Variants in BLTP2 observed in about 807,000 individuals in gnomAD.
The protein encoded by BLTP2 is U937-associated antigen.
At chr17:28,643,239 G>A in the BLTP2 span, 1 of 1,614,114 alleles carries the variant, frequency 6.2e-7, no homozygotes, top group Non-Finnish European at 8.5e-7. Flanking sequence ...GGGAGAATGG[G>A]GCAGACAGGT....
At chr17:28,619,003 A>G in the BLTP2 span, 1 of 1,590,164 alleles carries the variant, frequency 6.3e-7, no homozygotes, top group Non-Finnish European at 8.6e-7. Flanking sequence ...AAAGCCAGTA[A>G]GGGAAACAGC....
chr17:28,641,048 G>A, the BLTP2 span, among the ~76,000 whole-genome samples: 6 of 152,188 alleles, frequency 3.9e-5, no homozygotes, highest in Non-Finnish European at 7.3e-5. Context: ...TTTAGTTAGA[G>A]AATATACAGT....
At chr17:28,640,146 GC>G in the BLTP2 span, 1 of 1,124,056 alleles carries the variant, frequency 8.9e-7, no homozygotes. Flanking sequence ...TGTAATCCCA[GC>G]CCTTTGGGAG....
the BLTP2 span, chr17:28,639,491 G>C: frequency 6.2e-7 from 1 of 1,613,454 alleles, no homozygotes; most frequent in East Asian, 2.2e-5. Context: ...CTGTGGGTTT[G>C]GGTTTTATTT....
the BLTP2 span, chr17:28,616,242 G>C: frequency 6.3e-7 from 1 of 1,597,448 alleles, no homozygotes; most frequent in African/African-American, 1.3e-5. This position sits in a 1 kb window ranked among gnomAD's most constrained non-coding sequence, Gnocchi z 4.8. Context: ...TCCATCAGAA[G>C]AAACTCAGGA....
the BLTP2 span, among the ~76,000 whole-genome samples, chr17:28,627,547 CA>C: frequency 0.01 from 1,528 of 152,202 alleles, 16 homozygotes; most frequent in Non-Finnish European, 0.013. Context: ...GCTGGGACTA[CA>C]AGCACCCGCC....
chr17:28,632,927 A>C, the BLTP2 span: 1 of 1,499,558 alleles, frequency 6.7e-7, no homozygotes, highest in Non-Finnish European at 8.9e-7. Flanking sequence ...CCACTGCCCC[A>C]GGCCCAAGCC....
At chr17:28,631,602 G>T in the BLTP2 span, 1 of 1,614,028 alleles carries the variant, frequency 6.2e-7, no homozygotes, top group South Asian at 1.1e-5. Context: ...AGGCCATCAG[G>T]TGAACGGTCA....
the BLTP2 span, chr17:28,645,148 T>C: frequency 9.3e-7 from 1 of 1,078,342 alleles, no homozygotes; most frequent in Non-Finnish European, 1.2e-6. Context: ...GCCGACCAGC[T>C]GCGCGCGCAG....
chr17:28,628,478 T>C, the BLTP2 span: 2 of 1,614,114 alleles, frequency 1.2e-6, no homozygotes, highest in African/African-American at 1.3e-5. Flanking sequence ...TCTCGATTGG[T>C]AGTTGTCCAG....
At chr17:28,635,669 C>T in the BLTP2 span, 1 of 1,523,868 alleles carries the variant, frequency 6.6e-7, no homozygotes, top group East Asian at 2.3e-5. Flanking sequence ...GTAGAGATGG[C>T]AAGGATTATG....
chr17:28,634,694 T>C, the BLTP2 span: 25 of 1,614,034 alleles, frequency 1.5e-5, no homozygotes, highest in Admixed American at 3.2e-4. Context: ...AAGCTCCAAG[T>C]AAGCAGTGCC....
At chr17:28,617,487 G>A in the BLTP2 span, 9 of 559,342 alleles carry the variant, frequency 1.6e-5, no homozygotes, top group African/African-American at 1.7e-4. Flanking sequence ...TGTGTCTCAT[G>A]GGCACTATTG....
At chr17:28,618,654 G>A in the BLTP2 span, 111 of 644,966 alleles carry the variant, frequency 1.7e-4, no homozygotes, top group African/African-American at 8.7e-4. Context: ...TAATGAGCTC[G>A]TTAATATTAA....
the BLTP2 span, chr17:28,633,741 G>C: frequency 6.2e-6 from 10 of 1,613,402 alleles, no homozygotes; most frequent in East Asian, 2.2e-4. Flanking sequence ...CTGTGTACTG[G>C]AATATTTCCG....
the BLTP2 span, chr17:28,637,917 A>G: frequency 1.9e-6 from 3 of 1,614,024 alleles, no homozygotes; most frequent in Non-Finnish European, 2.5e-6. Flanking sequence ...GATTCCCCAA[A>G]TGAAGAGTGC....
At chr17:28,641,845 CCT>C in the BLTP2 span, 2 of 1,545,850 alleles carry the variant, frequency 1.3e-6, no homozygotes, top group Non-Finnish European at 1.8e-6. Flanking sequence ...CAAAACAAAC[CCT>C]GAGAACAAGG....
the BLTP2 span, among the ~76,000 whole-genome samples, chr17:28,627,702 T>C: frequency 2.0e-5 from 3 of 151,940 alleles, no homozygotes; most frequent in Non-Finnish European, 2.9e-5. Flanking sequence ...CCCGGCCCCA[T>C]ATTCTTTTTT....
the BLTP2 span, chr17:28,642,862 T>C: frequency 3.3e-6 from 5 of 1,501,722 alleles, no homozygotes; most frequent in Non-Finnish European, 3.7e-6. Flanking sequence ...TGCTCCCCAG[T>C]GCTTACCTTT....
Sources: gnomAD v4.1 joint callset for allele counts (sites outside exome capture counted in the v4.1 genomes callset) on GRCh38, gnomAD v4.1.1 for gene constraint, Gnocchi (gnomAD v3.1) non-coding constraint, MANE v1.5 for transcripts, NCBI Gene and HGNC (gene_info 2026-07-23, HGNC 2026-07-21) for gene names.